CORO2A: variants seen among roughly 807,000 people sequenced by gnomAD.
The protein encoded by CORO2A is coronin 2A, also known as coronin-2A.
In CORO2A, 47 loss-of-function variants were observed where a neutral mutation model predicts 62.4. That is an observed-to-expected ratio of 0.75 (90% CI 0.60 to 0.96). The LOEUF (loss-of-function observed/expected upper bound fraction) is 0.96. CORO2A is among the 40% of genes least tolerant of loss of function. The pLI, the probability that CORO2A is intolerant of heterozygous loss-of-function variation, is 0.00. For synonymous variants in CORO2A, 273 were observed against 268.9 expected (o/e 1.02, Z -0.15); for missense variants, 610 against 684.1 (o/e 0.89, Z 1.21).
At position 98,128,279 on chromosome 9, in the gene CORO2A, CA is replaced by C; in HGVS notation, c.1081-20del. On this transcript the variant is annotated intron_variant, in intron 9 of 11. Coordinates refer to ENST00000375077, the MANE Select transcript of CORO2A (RefSeq NM_052820.4). ...ATTCTGACTGCAGGAGAAATCCAGA[CA>C]GTGAGGAGGGTGGTAGGGTAGGCTG... 6.3e-7 allele frequency: 1 copy of C among 1,597,372 alleles called. No homozygotes were observed. The highest frequency in any genetic ancestry group is 1.1e-5 in the South Asian group (1 of 90,386).
At chr9:98,140,788 G>A (rs1220945423) in intron 2 of CORO2A, among the ~76,000 whole-genome samples, 1 of 152,120 alleles carries the variant, frequency 6.6e-6, no homozygotes, top group Non-Finnish European at 1.5e-5. Flanking sequence ...AGGTGGTCCT[G>A]TGCCTCCCTC....
chr9:98,131,842 C>A (rs1024622690), intron 6 of CORO2A, among the ~76,000 whole-genome samples: 2 of 152,064 alleles, frequency 1.3e-5, no homozygotes, highest in Admixed American at 6.6e-5. Flanking sequence ...CTCCCCATAC[C>A]CGTTAGTACC....
intron 2 of CORO2A, among the ~76,000 whole-genome samples, chr9:98,154,595 T>C: frequency 6.6e-6 from 1 of 151,986 alleles, no homozygotes. Flanking sequence ...TTTTTCATGG[T>C]AGTCTCTTCT....
intron 1 of CORO2A, among the ~76,000 whole-genome samples, chr9:98,189,235 T>C (rs1828275964): frequency 6.6e-6 from 1 of 152,234 alleles, no homozygotes; most frequent in South Asian, 2.1e-4. Flanking sequence ...GAGGCACAGT[T>C]TGACCACAGA....
intron 1 of CORO2A, among the ~76,000 whole-genome samples, chr9:98,189,915 C>T (rs112052630): frequency 0.098 from 14,821 of 151,244 alleles, 794 homozygotes; most frequent in East Asian, 0.2. Context: ...GATGGAGTCT[C>T]GCTCTGTCGC....
chr9:98,150,879 T>C (rs1827714797), intron 2 of CORO2A, among the ~76,000 whole-genome samples: 1 of 152,060 alleles, frequency 6.6e-6, no homozygotes, highest in Non-Finnish European at 1.5e-5. Flanking sequence ...GCTCGAAACA[T>C]TCTCTCTCTC....
At chr9:98,142,946 C>A (rs568893720) in intron 2 of CORO2A, among the ~76,000 whole-genome samples, 61 of 152,308 alleles carry the variant, frequency 4.0e-4, no homozygotes, top group African/African-American at 1.4e-3. Context: ...CAGGCAGGAG[C>A]GGACATTAGC....
At position 98,126,864 on chromosome 9, in the gene CORO2A, G is replaced by A. The variant is rs751327304; in HGVS notation, c.1172-41C>T. The A allele has an allele frequency of 1.8e-5, 29 of 1,609,350 alleles. No homozygotes were observed. In the East Asian group the frequency reaches 2.9e-4, roughly 16 times the overall value. ...AGCCATGTGAGGACGGGGTGCCCACGGGAAGATGGGCATATGGGGCACCAA... is the reference window on the plus strand; with the variant it reads ...AGCCATGTGAGGACGGGGTGCCCACAGGAAGATGGGCATATGGGGCACCAA... On this transcript the variant is annotated intron_variant, in intron 10 of 11. Coordinates refer to ENST00000375077, the MANE Select transcript of CORO2A (RefSeq NM_052820.4).
rs116179079 is a variant in CORO2A, at chr9:98,179,348, C to T, written c.-1+13211G>A. ...CAGCATTGTGCTGGCCTGGGCCTGG[C>T]GTGTTGGTGGGCAGCTGTGGACATG... On this transcript the variant is annotated intron_variant, in intron 1 of 11. Transcript: ENST00000375077. Among the ~76,000 whole-genome samples the T allele has an allele frequency of 4.3e-3, 659 of 152,260 alleles. 1 individual carries two copies. Among genetic ancestry groups the T allele is most frequent in the African/African-American group, 0.01 (432 of 41,556 alleles).
intron 1 of CORO2A, among the ~76,000 whole-genome samples, chr9:98,161,048 G>A (rs904415405): frequency 6.6e-6 from 1 of 152,204 alleles, no homozygotes; most frequent in Non-Finnish European, 1.5e-5. Context: ...CAGTGCAACA[G>A]AGAAATACAC....
At chr9:98,147,766 G>A (rs940749277) in intron 2 of CORO2A, among the ~76,000 whole-genome samples, 15 of 152,144 alleles carry the variant, frequency 9.9e-5, no homozygotes, top group African/African-American at 2.9e-4. Context: ...CTCAGCAACC[G>A]CACTCCTGGC....
At chr9:98,126,504 C>T (rs1407345427) in intron 11 of CORO2A, 45 bp downstream of exon 11, 1 of 1,587,260 alleles carries the variant, frequency 6.3e-7, no homozygotes, top group South Asian at 1.1e-5. Flanking sequence ...TTCCCCTCCA[C>T]CCCAGCTGCC....
chr9:98,128,295 A>AG (rs763967937), intron 9 of CORO2A, 35 bp from the exon 10 acceptor site: 3 of 1,554,342 alleles, frequency 1.9e-6, no homozygotes, highest in Non-Finnish European at 2.7e-6. Flanking sequence ...GGAGGGTGGT[A>AG]GGGTAGGCTG....
intron 1 of CORO2A, among the ~76,000 whole-genome samples, chr9:98,187,159 T>C (rs1048106163): frequency 5.9e-5 from 9 of 151,802 alleles, no homozygotes; most frequent in Middle Eastern, 3.4e-3. Context: ...GGTGGGCGCC[T>C]GTAGTCCCAG....
intron 1 of CORO2A, among the ~76,000 whole-genome samples, chr9:98,159,061 T>G (rs1218057198): frequency 6.8e-6 from 1 of 147,928 alleles, no homozygotes; most frequent in Non-Finnish European, 1.5e-5. Flanking sequence ...TATCACCCTT[T>G]ATTTATTATT....
chr9:98,186,665 T>C (rs1181285885), intron 1 of CORO2A, among the ~76,000 whole-genome samples: 1 of 152,230 alleles, frequency 6.6e-6, no homozygotes, highest in Non-Finnish European at 1.5e-5. Context: ...CATTTACATA[T>C]AATATATCCA....
At chr9:98,167,499 T>C (rs759803783) in intron 1 of CORO2A, among the ~76,000 whole-genome samples, 4 of 152,192 alleles carry the variant, frequency 2.6e-5, no homozygotes, top group Non-Finnish European at 5.9e-5. Flanking sequence ...AATATACATA[T>C]ATTTTTTAAA....
intron 2 of CORO2A, among the ~76,000 whole-genome samples, chr9:98,151,885 C>T (rs1431375871): frequency 2.1e-5 from 3 of 144,998 alleles, no homozygotes; most frequent in East Asian, 2.0e-4. Flanking sequence ...GGCGCGATCT[C>T]GACTCACTGC....
chr9:98,121,917 G>C lies in CORO2A; in HGVS notation c.*2857C>G, dbSNP rs1473066297. On this transcript the variant is annotated 3_prime_UTR_variant, in exon 12 of 12. Transcript: ENST00000375077. ...GGCCTTCTTTTCTGGAGCACACTAA[G>C]GCAATCTTGGCTAGTGCATCAGACG... 1 of 152,252 alleles carries C rather than the reference G, an allele frequency of 6.6e-6. No individual in the cohort carries two copies. The highest frequency in any genetic ancestry group is 1.5e-5 in the Non-Finnish European group (1 of 68,098). 9.4% of individuals were successfully genotyped at this position (152,252 alleles called of 1,614,324 possible).
Sources: gnomAD v4.1 joint callset for allele counts (sites outside exome capture counted in the v4.1 genomes callset) on GRCh38, gnomAD v4.1.1 for gene constraint, MANE v1.5 for transcripts, NCBI Gene and HGNC (gene_info 2026-07-23, HGNC 2026-07-21) for gene names.